VTI1A: variants seen among roughly 807,000 people sequenced by gnomAD.
VTI1A encodes vesicle transport through interaction with t-SNAREs 1A.
Under a neutral mutation model 34.9 loss-of-function variants are expected in VTI1A, and 22 were observed. The ratio of observed to expected loss-of-function variants is 0.63; its 90% CI spans 0.45 to 0.90. The LOEUF (loss-of-function observed/expected upper bound fraction) is 0.90. VTI1A is among the 40% of genes least tolerant of loss of function. VTI1A has a pLI of 0.00. For missense variants in VTI1A, 268 were observed against 275.6 expected, an observed-to-expected ratio of 0.97 and a Z score of 0.20; for synonymous variants, 87 against 97.3, an observed-to-expected ratio of 0.89 and a Z score of 0.62.
rs1003044170 is a variant in VTI1A at position 112,506,101 on chromosome 10, G to A, written c.265-20986G>A. Among the ~76,000 whole-genome samples the A allele has an allele frequency of 3.9e-5, 6 of 152,132 alleles. No individual in the cohort carries two copies. In the South Asian group the frequency reaches 1.0e-3, roughly 26 times the overall value. ...GTCGTTGCCATTTCATTGTGTGAAC[G>A]TCCTAGAATATACTTAAACAAACCT... On this transcript the variant is annotated intron_variant, in intron 3 of 7. Transcript: ENST00000393077.
intron 5 of VTI1A, among the ~76,000 whole-genome samples, chr10:112,590,757 G>A (rs1844357810): frequency 6.6e-6 from 1 of 151,962 alleles, no homozygotes; most frequent in South Asian, 2.1e-4. Context: ...GAGAACAGAA[G>A]GTATATGCCC....
chr10:112,785,233 G>A (rs1172888765), intron 7 of VTI1A, among the ~76,000 whole-genome samples: 4 of 152,204 alleles, frequency 2.6e-5, no homozygotes, highest in African/African-American at 9.7e-5. Flanking sequence ...GGGAGCAAGG[G>A]GCTCACTGGG....
At chr10:112,682,569 G>A (rs1044419718) in intron 7 of VTI1A, among the ~76,000 whole-genome samples, 2 of 152,138 alleles carry the variant, frequency 1.3e-5, no homozygotes, top group African/African-American at 4.8e-5. Flanking sequence ...TTTGCAACAC[G>A]CTGATATGAA....
At chr10:112,501,154 C>T (rs975811138) in intron 3 of VTI1A, among the ~76,000 whole-genome samples, 18 of 152,236 alleles carry the variant, frequency 1.2e-4, no homozygotes, top group Admixed American at 7.2e-4. Context: ...TACACAGCTG[C>T]TCAATACATT....
chr10:112,666,024 A>G (rs547609081), intron 5 of VTI1A, among the ~76,000 whole-genome samples: 1 of 152,302 alleles, frequency 6.6e-6, no homozygotes, highest in South Asian at 2.1e-4. Context: ...AATGAATTAT[A>G]ATTGCTATAT....
intron 5 of VTI1A, among the ~76,000 whole-genome samples, chr10:112,616,341 A>T (rs1845513400): frequency 6.6e-6 from 1 of 152,318 alleles, no homozygotes; most frequent in South Asian, 2.1e-4. Context: ...ACACTCACAC[A>T]CAATGGGATA....
chr10:112,699,691 T>C (rs35679727), intron 7 of VTI1A, among the ~76,000 whole-genome samples: 33,341 of 151,048 alleles, frequency 0.22, 3,880 homozygotes, highest in African/African-American at 0.3. Context: ...ATTAGCTGGG[T>C]GTGGTGGCAC....
chr10:112,458,854 G>T (rs1200408720), intron 1 of VTI1A, among the ~76,000 whole-genome samples: 1 of 151,944 alleles, frequency 6.6e-6, no homozygotes, highest in East Asian at 1.9e-4. Context: ...TTTTAGTAGA[G>T]ACGGGGTTTC....
At chr10:112,744,175 A>G (rs1442635791) in intron 7 of VTI1A, among the ~76,000 whole-genome samples, 1 of 152,200 alleles carries the variant, frequency 6.6e-6, no homozygotes, top group Non-Finnish European at 1.5e-5. Context: ...TCCCTTGCAC[A>G]TTACAGAAAA....
chr10:112,629,111 T>C (rs557534070), intron 5 of VTI1A, among the ~76,000 whole-genome samples: 6 of 152,354 alleles, frequency 3.9e-5, no homozygotes, highest in Non-Finnish European at 5.9e-5. Context: ...GTTTGCCAAG[T>C]GAATGGCTTC....
intron 5 of VTI1A, among the ~76,000 whole-genome samples, chr10:112,613,732 A>C (rs548676070): frequency 3.9e-5 from 6 of 152,346 alleles, no homozygotes; most frequent in East Asian, 1.9e-4. Flanking sequence ...GCTGCCCTTC[A>C]TTAGCCCTCA....
At chr10:112,750,486 G>C (rs1437427771) in intron 7 of VTI1A, among the ~76,000 whole-genome samples, 2 of 152,132 alleles carry the variant, frequency 1.3e-5, no homozygotes, top group Non-Finnish European at 2.9e-5. Context: ...AAAGTGCTGG[G>C]ATTATGTGAG....
intron 5 of VTI1A, among the ~76,000 whole-genome samples, chr10:112,616,835 T>C (rs914043236): frequency 6.6e-6 from 1 of 152,030 alleles, no homozygotes; most frequent in African/African-American, 2.4e-5. Context: ...AATTGGAAAA[T>C]ATATCTGAAG....
chr10:112,749,169 C>G (rs987555902), intron 7 of VTI1A, among the ~76,000 whole-genome samples: 1 of 152,124 alleles, frequency 6.6e-6, no homozygotes, highest in Non-Finnish European at 1.5e-5. Context: ...CACTTCTGTT[C>G]TAATTCTAGG....
At chr10:112,677,896 G>C (rs1301032925) in intron 7 of VTI1A, 1 of 152,234 alleles carries the variant, frequency 6.6e-6, no homozygotes, top group Non-Finnish European at 1.5e-5. Flanking sequence ...GATACTGCTG[G>C]TCAGGAGCCT....
At chr10:112,460,755 T>C (rs1834389217) in intron 2 of VTI1A, among the ~76,000 whole-genome samples, 173 bp downstream of exon 2, 1 of 152,178 alleles carries the variant, frequency 6.6e-6, no homozygotes, top group African/African-American at 2.4e-5. Context: ...CTTGGGATTT[T>C]ATTCTTCTTA....
At chr10:112,788,137 G>T (rs1257973279) in intron 7 of VTI1A, among the ~76,000 whole-genome samples, 1 of 151,494 alleles carries the variant, frequency 6.6e-6, no homozygotes, top group Non-Finnish European at 1.5e-5. Flanking sequence ...CCTATGTATG[G>T]TCTATGTATG....
chr10:112,559,494 T>G (rs1162958345), intron 5 of VTI1A, among the ~76,000 whole-genome samples: 1 of 152,128 alleles, frequency 6.6e-6, no homozygotes. Flanking sequence ...CCTGGCCTTT[T>G]GTTCTTTACA....
At chr10:112,463,719 A>G (rs1043208555) in intron 2 of VTI1A, among the ~76,000 whole-genome samples, 4 of 152,146 alleles carry the variant, frequency 2.6e-5, no homozygotes, top group Non-Finnish European at 5.9e-5. Flanking sequence ...AAATGTGGTT[A>G]TAAAGTATCG....
Sources: gnomAD v4.1 joint callset for allele counts (sites outside exome capture counted in the v4.1 genomes callset) on GRCh38, gnomAD v4.1.1 for gene constraint, MANE v1.5 for transcripts, NCBI Gene and HGNC (gene_info 2026-07-23, HGNC 2026-07-21) for gene names.